Variants in RANBP3L observed in about 807,000 individuals in gnomAD.
The protein encoded by RANBP3L is ran-binding protein 3-like.
A neutral mutation model predicts 67.2 loss-of-function variants in RANBP3L; 56 were observed. That is an observed-to-expected ratio of 0.83 (90% CI 0.67 to 1.04). RANBP3L has a LOEUF of 1.04. RANBP3L is among the 50% of genes least tolerant of loss of function. The pLI is 0.00. For missense variants in RANBP3L, 496 were observed against 535.5 expected (o/e 0.93, Z 0.73); for synonymous variants, 164 against 181.4 (o/e 0.90, Z 0.77).
Position 36,248,068 on chromosome 5 carries a change from G to GTGT in RANBP3L, c.*1583_*1585dup, listed in dbSNP as rs1748382635. On this transcript the variant is annotated 3_prime_UTR_variant, in exon 14 of 14. Coordinates refer to ENST00000296604, the MANE Select transcript of RANBP3L (RefSeq NM_145000.5). ...TTCTAATGAAAATTTTCTGCTGAGT[G>GTGT]TGTTCCGCATCAGAGTCACTCTTCT... Among the ~76,000 whole-genome samples the GTGT allele has an allele frequency of 6.6e-6, 1 of 152,154 alleles. No homozygotes were observed. Among genetic ancestry groups the GTGT allele is most frequent in the South Asian group, 2.1e-4 (1 of 4,832 alleles).
At position 36,296,539 on chromosome 5, in the gene RANBP3L, G is replaced by A. The variant is rs748515978; in HGVS notation, c.91+4787C>T. 8.4e-4 allele frequency among the ~76,000 whole-genome samples: 128 copies of A among 152,300 alleles called. No individual in the cohort carries two copies. The Middle Eastern group carries it at 0.017, about 20-fold the overall frequency. ...TAGAAATCATAGATTTTACGAGACA[G>A]CTGTATGTGGCAGAAAGTACATTGA... On this transcript the variant is annotated intron_variant, in intron 1 of 13. Coordinates refer to ENST00000296604, the MANE Select transcript of RANBP3L (RefSeq NM_145000.5).
At chr5:36,286,537 T>G (rs1238670586) in intron 1 of RANBP3L, among the ~76,000 whole-genome samples, 2 of 152,152 alleles carry the variant, frequency 1.3e-5, no homozygotes, top group East Asian at 3.9e-4. Flanking sequence ...TCTGAGAACT[T>G]GTTAGAAATG....
intron 1 of RANBP3L, among the ~76,000 whole-genome samples, chr5:36,273,088 C>T (rs1750338154): frequency 6.6e-6 from 1 of 152,194 alleles, no homozygotes; most frequent in Non-Finnish European, 1.5e-5. Context: ...AGACAAGCTC[C>T]TTTTCCGGAA....
chr5:36,290,722 A>C (rs193045169), intron 1 of RANBP3L, among the ~76,000 whole-genome samples: 9 of 131,516 alleles, frequency 6.8e-5, no homozygotes, highest in Non-Finnish European at 1.3e-4. Context: ...TTGGACAACC[A>C]TGGCTTTTTT....
chr5:36,271,418 A>G (rs1433250901), intron 1 of RANBP3L, 107 bp from the exon 2 acceptor site: 4 of 724,390 alleles, frequency 5.5e-6, no homozygotes, highest in Non-Finnish European at 9.5e-6. Flanking sequence ...TTTTCTCTGC[A>G]TTTGGGTAAA....
At chr5:36,273,822 G>C (rs1561121499) in intron 1 of RANBP3L, among the ~76,000 whole-genome samples, 1 of 152,122 alleles carries the variant, frequency 6.6e-6, no homozygotes, top group African/African-American at 2.4e-5. Flanking sequence ...AAGACATTTT[G>C]CATGGTATTG....
Position 36,253,535 on chromosome 5 carries a change from G to A in RANBP3L, c.1167+112C>T, listed in dbSNP as rs116701763. On this transcript the variant is annotated intron_variant, in intron 12 of 13. Transcript: ENST00000296604. ...CTATAAACAGACATAATGAATGGCT[G>A]AGTTTTTGCCAATGGTACAGATTAT... The A allele has an allele frequency of 1.1e-3, 863 of 801,244 alleles. 6 individuals carry two copies. In the African/African-American group the frequency reaches 0.013, roughly 12 times the overall value. The allele number at this position is 801,244 out of a possible 1,614,324, so 49.6% of individuals were successfully genotyped here.
Position 36,251,492 on chromosome 5 carries a change from G to A in RANBP3L, c.1175C>T (p.Ala392Val). The change falls in exon 13 of 14, where the codon GCC (alanine) becomes GTC (valine). Residue 392 changes from alanine (A) to valine (V), a missense_variant. Coordinates refer to ENST00000296604, the MANE Select transcript of RANBP3L (RefSeq NM_145000.5). Reference protein sequence around the residue: ...SIKIFLIQASAQDTAYLYAAI... With the variant: ...SIKIFLIQASVQDTAYLYAAI... ...TGCATACAAATATGCTGTATCTTGGGCACTGGCCTGCATGAGGAACATTAA... is the reference window on the plus strand; with the variant it reads ...TGCATACAAATATGCTGTATCTTGGACACTGGCCTGCATGAGGAACATTAA... 1 of 1,599,368 alleles carries A rather than the reference G, an allele frequency of 6.3e-7. No individual in the cohort carries two copies. Among genetic ancestry groups the A allele is most frequent in the Non-Finnish European group, 8.5e-7 (1 of 1,170,714 alleles).
chr5:36,270,415 T>C (rs1399214941), intron 2 of RANBP3L, among the ~76,000 whole-genome samples: 2 of 152,204 alleles, frequency 1.3e-5, no homozygotes, highest in African/African-American at 4.8e-5. Flanking sequence ...TTTAGTGTTT[T>C]TGTGGGTAGT....
intron 10 of RANBP3L, 70 bp downstream of exon 10, chr5:36,256,871 C>G (rs531574173): frequency 8.0e-6 from 11 of 1,375,594 alleles, no homozygotes; most frequent in African/African-American, 7.3e-5. Flanking sequence ...TTTAAAGATG[C>G]CTCTTCTCAT....
chr5:36,250,844 A>C (rs1748540352), intron 13 of RANBP3L, among the ~76,000 whole-genome samples: 1 of 152,118 alleles, frequency 6.6e-6, no homozygotes, highest in Non-Finnish European at 1.5e-5. Flanking sequence ...TTTTTCCCCT[A>C]GATAAAATAG....
chr5:36,258,781 G>A (rs994290284), intron 8 of RANBP3L, among the ~76,000 whole-genome samples: 5 of 152,178 alleles, frequency 3.3e-5, no homozygotes, highest in African/African-American at 1.2e-4. Flanking sequence ...AGCACCTTTA[G>A]GGCCCAGTGT....
intron 4 of RANBP3L, among the ~76,000 whole-genome samples, chr5:36,266,423 A>T (rs542124966): frequency 6.6e-6 from 1 of 152,314 alleles, no homozygotes; most frequent in South Asian, 2.1e-4. Context: ...ATGAGAAAAG[A>T]ATAATTGCTT....
Position 36,257,489 on chromosome 5 carries a change from G to T in RANBP3L, c.737C>A (p.Ser246Tyr), listed in dbSNP as rs1364479289. Residue 246 changes from serine to tyrosine, a missense_variant, in exon 9 of 14, where the codon TCC becomes TAC. Physicochemically the swap from Ser to Tyr is moderately radical, Grantham distance 144. Transcript: ENST00000296604. ...DSYAKEKPFK[S>Y]IPKFPVNFLS... ...AAAGTTGACAGGAAATTTCGGAATG[G>T]ATTTGAATGGTTTTTCCTTGGCATA... 2 of 1,596,020 alleles carry T rather than the reference G, an allele frequency of 1.3e-6. No individual in the cohort carries two copies. The highest frequency in any genetic ancestry group is 3.4e-5 in the Admixed American group (2 of 59,224).
chr5:36,268,713 CTT>C (rs58603898), intron 4 of RANBP3L, among the ~76,000 whole-genome samples: 1 of 144,856 alleles, frequency 6.9e-6, no homozygotes, highest in Non-Finnish European at 1.5e-5. Flanking sequence ...TAGGCGGTTA[CTT>C]TTTTTTTTTT....
intron 1 of RANBP3L, 73 bp from the exon 2 acceptor site, chr5:36,271,384 G>T: frequency 1.0e-6 from 1 of 986,192 alleles, no homozygotes; most frequent in East Asian, 2.5e-5. Context: ...AAAAATATTT[G>T]AAGACTTTTT....
At chr5:36,261,608 G>GA (rs906878301) in intron 7 of RANBP3L, among the ~76,000 whole-genome samples, 12 of 151,646 alleles carry the variant, frequency 7.9e-5, no homozygotes, top group Admixed American at 4.6e-4. Context: ...CAAAATAAAA[G>GA]AAAAAAATGC....
chr5:36,255,665 CGTTT>C, intron 10 of RANBP3L, 75 bp from the exon 11 acceptor site: 2 of 965,362 alleles, frequency 2.1e-6, no homozygotes, highest in Non-Finnish European at 3.1e-6. Context: ...TGTTATGACA[CGTTT>C]ATATGTGTCT....
At chr5:36,265,374 C>T in intron 5 of RANBP3L, 75 bp downstream of exon 5, 1 of 942,188 alleles carries the variant, frequency 1.1e-6, no homozygotes, top group Non-Finnish European at 1.6e-6. Flanking sequence ...CCAACACACG[C>T]ACACATATAG....
Sources: gnomAD v4.1 joint callset for allele counts (sites outside exome capture counted in the v4.1 genomes callset) on GRCh38, gnomAD v4.1.1 for gene constraint, MANE v1.5 for transcripts, NCBI Gene and HGNC (gene_info 2026-07-23, HGNC 2026-07-21) for gene names.